Variants in PMF1 observed in about 807,000 individuals in gnomAD.
The protein encoded by PMF1 is polyamine modulated factor 1.
Under a neutral mutation model 26.7 loss-of-function variants are expected in PMF1, and 21 were observed. The observed-to-expected ratio is 0.79, with a 90% confidence interval of 0.56 to 1.13. PMF1 has a LOEUF of 1.13. Among genes scored for constraint, PMF1 ranks in the 50% most tolerant of loss-of-function variants. PMF1 has a pLI of 0.00. For missense variants in PMF1, 266 were observed against 254.9 expected, an observed-to-expected ratio of 1.04 and a Z score of -0.30; for synonymous variants, 105 against 101.0, an observed-to-expected ratio of 1.04 and a Z score of -0.24.
At chr1:156,236,690 AC>A in intron 4 of PMF1, 1 of 668,416 alleles carries the variant, frequency 1.5e-6, no homozygotes, top group Non-Finnish European at 2.5e-6. Flanking sequence ...CAGATCCTCC[AC>A]CAGGCACAGG....
chr1:156,231,935 A>G (rs1251950451), intron 1 of PMF1, among the ~76,000 whole-genome samples: 1 of 152,164 alleles, frequency 6.6e-6, no homozygotes, highest in Admixed American at 6.5e-5. Flanking sequence ...CAGATGTCAC[A>G]TGCCCTGTCC....
intron 4 of PMF1, among the ~76,000 whole-genome samples, chr1:156,238,779 G>C (rs868620757): frequency 6.6e-6 from 1 of 152,164 alleles, no homozygotes; most frequent in Non-Finnish European, 1.5e-5. Context: ...GTGGAAGGCC[G>C]GCAGCCGCTC....
At chr1:156,229,530 T>C (rs533690076) in intron 1 of PMF1, among the ~76,000 whole-genome samples, 2 of 151,642 alleles carry the variant, frequency 1.3e-5, no homozygotes, top group Non-Finnish European at 2.9e-5. Context: ...GTAGAATGAT[T>C]AGGAAGTGGT....
chr1:156,233,833 C>A, intron 3 of PMF1, 105 bp downstream of exon 3: 2 of 1,105,880 alleles, frequency 1.8e-6, no homozygotes. Context: ...CCAGGCTGGT[C>A]ACAAACTCCT....
At chr1:156,219,659 C>T (rs111465247) in intron 1 of PMF1, among the ~76,000 whole-genome samples, 53 of 152,222 alleles carry the variant, frequency 3.5e-4, no homozygotes, top group Non-Finnish European at 6.8e-4. Context: ...AATCATGGCT[C>T]ATTGTAGTCT....
At chr1:156,217,769 C>T (rs1657857937) in intron 1 of PMF1, among the ~76,000 whole-genome samples, 1 of 151,966 alleles carries the variant, frequency 6.6e-6, no homozygotes, top group South Asian at 2.1e-4. Context: ...TCTAAAAGTG[C>T]ACATGCACAT....
intron 1 of PMF1, among the ~76,000 whole-genome samples, chr1:156,226,642 A>G (rs1032758355): frequency 4.6e-5 from 7 of 152,226 alleles, no homozygotes; most frequent in Non-Finnish European, 7.3e-5. Context: ...CGTACTGAGG[A>G]CTTTATATAT....
Position 156,213,049 on chromosome 1 carries a change from G to T in PMF1, c.34G>T (p.Gly12Cys), listed in dbSNP as rs768555004. The change falls in exon 1 of 5, where the codon GGC (glycine) becomes TGC (cysteine). Residue 12 changes from glycine to cysteine, a missense_variant. Gly to Cys is a radical substitution (Grantham distance 159). Coordinates refer to ENST00000368277, the MANE Select transcript of PMF1 (RefSeq NM_007221.4). ...AGCAAGTAGCGCCAATCTAGGCAGCGGCTGTGAGGAAAAAAGGCATGAGGG... is the reference window on the plus strand; with the variant it reads ...AGCAAGTAGCGCCAATCTAGGCAGCTGCTGTGAGGAAAAAAGGCATGAGGG... ...AEASSANLGS[G>C]CEEKRHEGSS... 5 of 1,614,106 alleles carry T rather than the reference G, an allele frequency of 3.1e-6. No individual in the cohort carries two copies. In the African/African-American group the frequency reaches 4.0e-5, roughly 13 times the overall value.
chr1:156,217,233 TAAAAAA>T (rs558492040), intron 1 of PMF1, among the ~76,000 whole-genome samples: 4 of 97,982 alleles, frequency 4.1e-5, no homozygotes, highest in Non-Finnish European at 8.2e-5. Flanking sequence ...TAAAGTATAA[TAAAAAA>T]AAAAAAGAAA....
chr1:156,236,143 T>G (rs1572506000), intron 3 of PMF1, 145 bp from the exon 4 acceptor site: 8 of 1,033,998 alleles, frequency 7.7e-6, no homozygotes, highest in Non-Finnish European at 1.1e-5. Flanking sequence ...TCTTGGGAGG[T>G]GAGAGGGACC....
At chr1:156,213,616 T>C (rs1657516134) in intron 1 of PMF1, among the ~76,000 whole-genome samples, 1 of 152,008 alleles carries the variant, frequency 6.6e-6, no homozygotes, top group South Asian at 2.1e-4. Flanking sequence ...AGGCTCGTGC[T>C]CCCGCGCCCG....
chr1:156,233,868 G>A (rs377459117), intron 3 of PMF1, 140 bp downstream of exon 3: 1 of 739,254 alleles, frequency 1.4e-6, no homozygotes, highest in South Asian at 1.9e-5. Flanking sequence ...CTCCCACCTT[G>A]ACCTCCCAAA....
chr1:156,228,655 GCT>G (rs1279332752), intron 1 of PMF1, among the ~76,000 whole-genome samples: 2 of 152,096 alleles, frequency 1.3e-5, no homozygotes, highest in Non-Finnish European at 2.9e-5. Flanking sequence ...GATGCGTCCA[GCT>G]CAGACCCTCC....
At chr1:156,230,838 G>T (rs1658656812) in intron 1 of PMF1, among the ~76,000 whole-genome samples, 1 of 151,916 alleles carries the variant, frequency 6.6e-6, no homozygotes. Context: ...GAGGCAGGAG[G>T]ATTGCTTGAG....
intron 2 of PMF1, among the ~76,000 whole-genome samples, chr1:156,233,376 C>T (rs556479609): frequency 5.3e-5 from 8 of 150,614 alleles, no homozygotes; most frequent in Non-Finnish European, 1.0e-4. Flanking sequence ...AGGCTGGTCT[C>T]GAACTCCTGG....
intron 1 of PMF1, chr1:156,225,711 A>G: frequency 1.0e-6 from 1 of 959,232 alleles, no homozygotes; most frequent in African/African-American, 1.6e-5. Context: ...CACTGTGTAC[A>G]CCGTGATATT....
At chr1:156,238,242 T>G (rs1028359587) in intron 4 of PMF1, among the ~76,000 whole-genome samples, 3 of 152,260 alleles carry the variant, frequency 2.0e-5, no homozygotes, top group African/African-American at 7.2e-5. Flanking sequence ...GTGCTCAGGA[T>G]TATTTTGACT....
chr1:156,223,997 C>G (rs1271938936), intron 1 of PMF1: 1 of 152,164 alleles, frequency 6.6e-6, no homozygotes, highest in Non-Finnish European at 1.5e-5. Flanking sequence ...TATCTTCATG[C>G]TAATATTTAT....
At chr1:156,227,992 T>A (rs1200127980) in intron 1 of PMF1, among the ~76,000 whole-genome samples, 4 of 147,382 alleles carry the variant, frequency 2.7e-5, no homozygotes, top group Non-Finnish European at 6.0e-5. Flanking sequence ...TGGGGTGCAA[T>A]GGCATGATCT....
Sources: gnomAD v4.1 joint callset for allele counts (sites outside exome capture counted in the v4.1 genomes callset) on GRCh38, gnomAD v4.1.1 for gene constraint, MANE v1.5 for transcripts, NCBI Gene and HGNC (gene_info 2026-07-23, HGNC 2026-07-21) for gene names.